The following HS3ST3A1 variants were observed in gnomAD, a reference collection of about 807,000 sequenced individuals.
HS3ST3A1 encodes the protein heparan sulfate-glucosamine 3-sulfotransferase 3A1, also known as heparan sulfate glucosamine 3-O-sulfotransferase 3A1.
HS3ST3A1 carries 19 observed loss-of-function variants against 25.7 expected under a neutral mutation model. That is an observed-to-expected ratio of 0.74 (90% CI 0.52 to 1.08). The LOEUF is 1.08. Among genes scored for constraint, HS3ST3A1 ranks in the 50% least tolerant of loss-of-function variants. The pLI, the probability that HS3ST3A1 is intolerant of heterozygous loss-of-function variation, is 0.00. For missense variants in HS3ST3A1, 459 were observed against 594.3 expected (o/e 0.77, Z 2.37); for synonymous variants, 226 against 278.6 (o/e 0.81, Z 1.88).
chr17:13,568,278 T>C (rs937414769), intron 1 of HS3ST3A1, among the ~76,000 whole-genome samples: 2 of 152,222 alleles, frequency 1.3e-5, no homozygotes, highest in South Asian at 2.1e-4. Context: ...TAATAGACTA[T>C]AGTATAGCAT....
intron 1 of HS3ST3A1, among the ~76,000 whole-genome samples, chr17:13,503,893 G>T (rs979924517): frequency 6.6e-6 from 1 of 152,188 alleles, no homozygotes; most frequent in Non-Finnish European, 1.5e-5. Flanking sequence ...TTCACCAAAA[G>T]ACATGTTCAC....
intron 1 of HS3ST3A1, among the ~76,000 whole-genome samples, chr17:13,576,523 C>G (rs781070157): frequency 6.6e-6 from 1 of 152,212 alleles, no homozygotes; most frequent in African/African-American, 2.4e-5. Context: ...CTCATCACTT[C>G]TCTTATATTC....
At chr17:13,537,944 T>G (rs1291151708) in intron 1 of HS3ST3A1, among the ~76,000 whole-genome samples, 2 of 152,246 alleles carry the variant, frequency 1.3e-5, no homozygotes, top group Non-Finnish European at 2.9e-5. Flanking sequence ...TCAGCTTTGG[T>G]GTTTTCTTAG....
intron 1 of HS3ST3A1, among the ~76,000 whole-genome samples, chr17:13,551,879 A>G (rs892024684): frequency 1.3e-5 from 2 of 152,056 alleles, no homozygotes; most frequent in Non-Finnish European, 2.9e-5. Context: ...ATTTAACTTG[A>G]GGATTACTAG....
intron 1 of HS3ST3A1, among the ~76,000 whole-genome samples, chr17:13,550,488 C>T (rs1293273428): frequency 6.6e-6 from 1 of 152,090 alleles, no homozygotes; most frequent in East Asian, 1.9e-4. Context: ...AGCCCCTGAG[C>T]GATCTTAGAA....
intron 1 of HS3ST3A1, among the ~76,000 whole-genome samples, chr17:13,541,763 G>A (rs1026640707): frequency 4.6e-5 from 7 of 152,230 alleles, no homozygotes; most frequent in Middle Eastern, 3.4e-3. Flanking sequence ...CATAGCATTC[G>A]TTCAGTGGGC....
chr17:13,524,772 C>T (rs868438198), intron 1 of HS3ST3A1, among the ~76,000 whole-genome samples: 36 of 152,078 alleles, frequency 2.4e-4, no homozygotes, highest in African/African-American at 8.7e-4. Context: ...TAGGAACTTT[C>T]TGCAAAATTT....
intron 1 of HS3ST3A1, among the ~76,000 whole-genome samples, chr17:13,535,619 G>A (rs1015125102): frequency 4.6e-5 from 7 of 151,950 alleles, no homozygotes; most frequent in Admixed American, 2.0e-4. Flanking sequence ...ACACAAATCT[G>A]TGAATAGTGA....
At chr17:13,499,418 T>G (rs1350736767) in intron 1 of HS3ST3A1, among the ~76,000 whole-genome samples, 3 of 152,250 alleles carry the variant, frequency 2.0e-5, no homozygotes, top group Non-Finnish European at 2.9e-5. Flanking sequence ...AATCATCAAC[T>G]ACACTGAAGT....
chr17:13,586,859 G>T (rs1908283741), intron 1 of HS3ST3A1, among the ~76,000 whole-genome samples: 1 of 66,090 alleles, frequency 1.5e-5, no homozygotes, highest in Non-Finnish European at 2.6e-5. Flanking sequence ...GACAGAGAGA[G>T]ACTCTGTCTC....
chr17:13,550,108 C>A (rs975531752), intron 1 of HS3ST3A1, among the ~76,000 whole-genome samples: 2 of 152,208 alleles, frequency 1.3e-5, no homozygotes, highest in Non-Finnish European at 2.9e-5. Flanking sequence ...CACCACACAG[C>A]ATATACAAGT....
rs1908761814 is a variant in HS3ST3A1, at chr17:13,601,911, C to T, written c.-782G>A. On this transcript the variant is annotated 5_prime_UTR_variant, in exon 1 of 2. Coordinates refer to ENST00000284110, the MANE Select transcript of HS3ST3A1 (RefSeq NM_006042.3). Reference sequence around the variant, plus strand: ...CTGCTCGCAGGCGCTCACCGGCTGCCTCCTGGGCCGCCGCTGGCCGCCGCC... The same window carrying T: ...CTGCTCGCAGGCGCTCACCGGCTGCTTCCTGGGCCGCCGCTGGCCGCCGCC... 1.2e-4 allele frequency: 2 copies of T among 16,620 alleles called. No individual in the cohort carries two copies. Among genetic ancestry groups the T allele is most frequent in the African/African-American group, 4.8e-4 (2 of 4,198 alleles). The allele number at this position is 16,620 out of a possible 1,614,324, so 1.0% of individuals were successfully genotyped here. A position where few individuals can be genotyped will look rare whatever the true frequency, so the allele number is the denominator to read the frequency against.
rs910273245 is a variant in HS3ST3A1, at chr17:13,507,063, C to T, written c.600-10245G>A. Among the ~76,000 whole-genome samples, 16 of 139,232 alleles carry T rather than the reference C, an allele frequency of 1.1e-4. 1 individual carries two copies. In the East Asian group the frequency reaches 1.2e-3, roughly 11 times the overall value. 91.3% of individuals were successfully genotyped at this position (139,232 alleles called of 152,430 possible). ...CAGCCAGGGTGACAAAGCTAGACTC[C>T]GTCTCCAAAAAAAAAAAAAAAAACA... On this transcript the variant is annotated intron_variant, in intron 1 of 1. Transcript: ENST00000284110.
chr17:13,498,762 A>G (rs576546747), intron 1 of HS3ST3A1, among the ~76,000 whole-genome samples: 3 of 152,364 alleles, frequency 2.0e-5, no homozygotes, highest in South Asian at 4.1e-4. Context: ...AAGCCCAAGC[A>G]TAAAAATGGA....
intron 1 of HS3ST3A1, among the ~76,000 whole-genome samples, chr17:13,562,045 G>A (rs1008740960): frequency 6.6e-6 from 1 of 152,014 alleles, no homozygotes; most frequent in Non-Finnish European, 1.5e-5. Flanking sequence ...CTTATAAACG[G>A]TTGAATTCTC....
Position 13,516,316 on chromosome 17 carries a change from A to G in HS3ST3A1, c.600-19498T>C, listed in dbSNP as rs538179439. On this transcript the variant is annotated intron_variant, in intron 1 of 1. Transcript: ENST00000284110. ...CAGCGCAAGACTCTGTCTCAAAAAA[A>G]TAAAAAAATAAATAAATAAATAAAA... 5.0e-4 allele frequency among the ~76,000 whole-genome samples: 76 copies of G among 151,744 alleles called. 1 individual carries two copies. The Middle Eastern group carries it at 0.027, about 54-fold the overall frequency.
At chr17:13,591,676 T>TGG (rs375837192) in intron 1 of HS3ST3A1, among the ~76,000 whole-genome samples, 10 of 141,382 alleles carry the variant, frequency 7.1e-5, no homozygotes, top group African/African-American at 2.5e-4. Flanking sequence ...TTTTTTTTTT[T>TGG]GGGACAGAGT....
intron 1 of HS3ST3A1, among the ~76,000 whole-genome samples, chr17:13,553,699 T>TTACTC (rs756908295): frequency 1.5e-3 from 224 of 152,346 alleles, no homozygotes; most frequent in Non-Finnish European, 2.4e-3. Flanking sequence ...GCCAGCTAAC[T>TTACTC]TACTCTTTTC....
intron 1 of HS3ST3A1, among the ~76,000 whole-genome samples, chr17:13,511,199 C>T (rs966618837): frequency 2.0e-5 from 3 of 152,124 alleles, no homozygotes; most frequent in East Asian, 3.9e-4. Flanking sequence ...TTACAGAAAC[C>T]GTCACTCCAG....
Sources: allele counts gnomAD v4.1 joint callset (sites outside exome capture counted in the v4.1 genomes callset), GRCh38; gene constraint gnomAD v4.1.1; transcripts MANE v1.5; gene names NCBI Gene and HGNC (gene_info 2026-07-23, HGNC 2026-07-21).